Variants in AOC2 observed in about 807,000 individuals in gnomAD.
The protein encoded by AOC2 is amine oxidase [copper-containing] 2.
A neutral mutation model predicts 53.8 loss-of-function variants in AOC2; 57 were observed. The ratio of observed to expected loss-of-function variants is 1.06; its 90% CI spans 0.86 to 1.32. The LOEUF (loss-of-function observed/expected upper bound fraction) is 1.32, where lower values mean the gene tolerates loss of function less well. Among genes scored for constraint, AOC2 ranks in the 40% most tolerant of loss-of-function variants. The pLI is 0.00. For missense variants in AOC2, 1,008 were observed against 957.2 expected (o/e 1.05, Z -0.70); for synonymous variants, 404 against 399.0 (o/e 1.01, Z -0.15).
intron 1 of AOC2, among the ~76,000 whole-genome samples, chr17:42,848,029 C>T (rs759488792): frequency 2.7e-5 from 4 of 148,302 alleles, no homozygotes; most frequent in Admixed American, 1.3e-4. Flanking sequence ...CCACTCGCCT[C>T]GGCTTCCCAA....
rs770574752 is a variant in AOC2 at position 42,845,803 on chromosome 17, G to A, written c.1177G>A (p.Val393Met). 8 of 1,614,082 alleles carry A rather than the reference G, an allele frequency of 5.0e-6. No individual in the cohort carries two copies. The highest frequency in any genetic ancestry group is 6.8e-6 in the Non-Finnish European group (8 of 1,180,052). Residue 393 changes from valine (V) to methionine (M), a missense_variant, in exon 1 of 4, where the codon GTG (valine) becomes ATG (methionine). Val to Met is a conservative substitution (Grantham distance 21). Coordinates refer to ENST00000253799, the MANE Select transcript of AOC2 (RefSeq NM_009590.4). ...ACTCGGCCGTAACAGCCGAGGCTTG[G>A]TGCGGGGAGTGGACTGCCCCTATCA... ...FGLGRNSRGL[V>M]RGVDCPYQAT...
rs1284492875 is a variant in AOC2, at chr17:42,845,876, A to C, written c.1250A>C (p.Gln417Pro). The stretch of plus-strand genomic sequence containing the variant: ...ATATTAGTGGGCAAAGGGGCAGTCC[A>C]GCTGCTTCCAGGGGCTGTGTGTGTA... ...IHILVGKGAV[Q>P]LLPGAVCVFE... Residue 417 changes from glutamine (Q) to proline (P), a missense_variant, in exon 1 of 4, where the codon CAG becomes CCG. Gln to Pro is a moderately conservative substitution (Grantham distance 76, BLOSUM62 -1). Coordinates refer to ENST00000253799, the MANE Select transcript of AOC2 (RefSeq NM_009590.4). The C allele has an allele frequency of 1.2e-6, 2 of 1,614,156 alleles. No homozygotes were observed. Among genetic ancestry groups the C allele is most frequent in the Non-Finnish European group, 1.7e-6 (2 of 1,180,012 alleles).
In AOC2 at chr17:42,845,711, G is replaced by A. The variant is rs755773600; in HGVS notation, c.1085G>A (p.Cys362Tyr). ...GCCTATGAAGTCAGTGTCCAGGAGT[G>A]TGTATCTATCTATGGTGCCGATTCA... ...RIAYEVSVQE[C>Y]VSIYGADSPK... The change falls in exon 1 of 4, where the codon TGT becomes TAT. Residue 362 changes from cysteine (C) to tyrosine (Y), a missense_variant. Physicochemically the swap from Cys to Tyr is radical, Grantham distance 194 (BLOSUM62 -2). Coordinates refer to ENST00000253799, the MANE Select transcript of AOC2 (RefSeq NM_009590.4). 45 of 1,614,078 alleles carry A rather than the reference G, an allele frequency of 2.8e-5. No homozygotes were observed. In the Middle Eastern group the frequency reaches 4.9e-4, roughly 18 times the overall value.
chr17:42,848,534 TATATATATATAC>T (rs1275341388), intron 1 of AOC2, among the ~76,000 whole-genome samples: 1,987 of 140,820 alleles, frequency 0.014, 92 homozygotes, highest in African/African-American at 0.053. Flanking sequence ...AATATATATA[TATATATATATAC>T]ATATATATAT....
At position 42,849,250 on chromosome 17, in the gene AOC2, C is replaced by A. The variant is rs1486849473; in HGVS notation, c.1753C>A (p.Leu585Met). The A allele has an allele frequency of 1.2e-6, 2 of 1,614,092 alleles. No homozygotes were observed. Among genetic ancestry groups the A allele is most frequent in the Non-Finnish European group, 1.7e-6 (2 of 1,180,042 alleles). The change falls in exon 2 of 4, where the codon CTG becomes ATG. Residue 585 changes from leucine (L) to methionine (M), a missense_variant. Leu to Met is a conservative substitution (Grantham distance 15). Coordinates refer to ENST00000253799, the MANE Select transcript of AOC2 (RefSeq NM_009590.4). ...AAGCCCCCTACCCCGCTACCTCTAC[C>A]TGGCTAGCAACCAGACTAATGCGTG... ...LGSPLPRYLYLASNQTNAWGH... is the reference protein window; with the variant it reads ...LGSPLPRYLYMASNQTNAWGH...
intron 1 of AOC2, among the ~76,000 whole-genome samples, chr17:42,847,695 T>C (rs890686240): frequency 1.3e-5 from 2 of 151,872 alleles, no homozygotes; most frequent in African/African-American, 4.8e-5. Flanking sequence ...CACAGGTTAC[T>C]GCAGCCCTGA....
At position 42,845,318 on chromosome 17, in the gene AOC2, G is replaced by T. The variant is rs766296022; in HGVS notation, c.692G>T (p.Gly231Val). ...CTCTACCATAACATCTCAGGGGTTG[G>T]TCTTTTCCTTCACCCCGTGGGGCTG... ...MALYHNISGVGLFLHPVGLEL... is the reference protein window; with the variant it reads ...MALYHNISGVVLFLHPVGLEL... The change falls in exon 1 of 4, where the codon GGT becomes GTT. Residue 231 changes from glycine to valine, a missense_variant. Transcript: ENST00000253799. 1.9e-6 allele frequency: 3 copies of T among 1,614,164 alleles called. No homozygotes were observed. In the South Asian group the frequency reaches 3.3e-5, roughly 18 times the overall value.
In AOC2 at chr17:42,845,731, G is replaced by T; in HGVS notation, c.1105G>T (p.Asp369Tyr). The change falls in exon 1 of 4, where the codon GAT (aspartate) becomes TAT (tyrosine). Residue 369 changes from aspartate (D) to tyrosine (Y), a missense_variant. Coordinates refer to ENST00000253799, the MANE Select transcript of AOC2 (RefSeq NM_009590.4). ...VQECVSIYGA[D>Y]SPKTMLTRYL... is the part of the protein sequence containing the mutation. Reference sequence around the variant, plus strand: ...GGAGTGTGTATCTATCTATGGTGCCGATTCACCCAAGACGATGCTGACTCG... The same window carrying T: ...GGAGTGTGTATCTATCTATGGTGCCTATTCACCCAAGACGATGCTGACTCG... 1 of 1,614,158 alleles carries T rather than the reference G, an allele frequency of 6.2e-7. No homozygotes were observed.
chr17:42,845,086 G>A lies in AOC2; in HGVS notation c.460G>A (p.Glu154Lys). The change falls in exon 1 of 4, where the codon GAG becomes AAG. Residue 154 changes from glutamate (E) to lysine (K), a missense_variant. By Grantham distance (56) the Glu-to-Lys change is moderately conservative. Transcript: ENST00000253799. ...HPSYMRDVTV[E>K]RHGGPLPYHR... is the part of the protein sequence containing the mutation. The stretch of plus-strand genomic sequence containing the variant: ...CTCGTACATGCGGGATGTGACTGTG[G>A]AGCGTCACGGCGGGCCCCTGCCCTA... The A allele has an allele frequency of 6.2e-7, 1 of 1,613,972 alleles. No individual in the cohort carries two copies.
At position 42,849,738 on chromosome 17, in the gene AOC2, G is replaced by T; in HGVS notation, c.2004+8G>T. Reference sequence around the variant, plus strand: ...GAAACCCTCTTAGGAGAGGTTGGTTGCCCTAGGGACATAGGAAAGGGACAC... The same window carrying T: ...GAAACCCTCTTAGGAGAGGTTGGTTTCCCTAGGGACATAGGAAAGGGACAC... On this transcript the variant is annotated splice_region_variant and intron_variant, in intron 3 of 3. Coordinates refer to ENST00000253799, the MANE Select transcript of AOC2 (RefSeq NM_009590.4). 1.2e-6 allele frequency: 2 copies of T among 1,614,134 alleles called. No individual in the cohort carries two copies. Among genetic ancestry groups the T allele is most frequent in the Non-Finnish European group, 1.7e-6 (2 of 1,180,014 alleles).
rs577353181 is a variant in AOC2 at position 42,845,961 on chromosome 17, C to G, written c.1335C>G (p.Phe445Leu). 6.2e-7 allele frequency: 1 copy of G among 1,614,196 alleles called. No individual in the cohort carries two copies. The highest frequency in any genetic ancestry group is 2.2e-5 in the East Asian group (1 of 44,888). The change falls in exon 1 of 4, where the codon TTC (phenylalanine) becomes TTG (leucine). Residue 445 changes from phenylalanine (F) to leucine (L), a missense_variant. Phe to Leu is a conservative substitution (Grantham distance 22). Coordinates refer to ENST00000253799, the MANE Select transcript of AOC2 (RefSeq NM_009590.4). ...RRHHNYLQNH[F>L]YGGLASSALV... ...ACCACAATTACCTTCAAAATCATTT[C>G]TATGGTGGTTTGGCCAGCTCAGCCC...
rs778842062 is a variant in AOC2, at chr17:42,845,856, AG to A, written c.1231del (p.Val411TrpfsTer84). 1.9e-6 allele frequency: 3 copies of A among 1,614,016 alleles called. No homozygotes were observed. In the African/African-American group the frequency reaches 4.0e-5, roughly 22 times the overall value. On this transcript the variant is annotated frameshift_variant, in exon 1 of 4. Coordinates refer to ENST00000253799, the MANE Select transcript of AOC2 (RefSeq NM_009590.4). LOFTEE classifies it high-confidence loss of function. The stretch of plus-strand genomic sequence containing the variant: ...CCACGATGGTGGACATCCATATATT[AG>A]TGGGCAAAGGGGCAGTCCAGCTGCT... ...QATMVDIHIL[V>X]GKGAVQLLPG...
intron 1 of AOC2, among the ~76,000 whole-genome samples, chr17:42,847,768 A>G (rs1419850551): frequency 6.8e-6 from 1 of 147,570 alleles, no homozygotes; most frequent in African/African-American, 2.5e-5. Flanking sequence ...ACAGGCATAC[A>G]CTACCACGCC....
intron 1 of AOC2, among the ~76,000 whole-genome samples, chr17:42,848,531 A>ATATACATATATATATATATATG (rs2055616629): frequency 7.2e-6 from 1 of 139,446 alleles, no homozygotes; most frequent in Admixed American, 7.0e-5. Context: ...CTGAATATAT[A>ATATACATATATATATATATATG]TATATATATA....
Position 42,845,020 on chromosome 17 carries a change from C to A in AOC2, c.394C>A (p.Pro132Thr). 6.2e-7 allele frequency: 1 copy of A among 1,613,834 alleles called. No homozygotes were observed. The highest frequency in any genetic ancestry group is 8.5e-7 in the Non-Finnish European group (1 of 1,179,948). Reference protein sequence around the residue: ...AIVLFGGQPQPNVSELVVGPL... With the variant: ...AIVLFGGQPQTNVSELVVGPL... ...CGTCCTCTTTGGTGGACAACCCCAA[C>A]CCAATGTGAGTGAGCTGGTGGTGGG... is the stretch of plus-strand genomic sequence containing the variant. The change falls in exon 1 of 4, where the codon CCC becomes ACC. Residue 132 changes from proline (P) to threonine (T), a missense_variant. Physicochemically the swap from Pro to Thr is conservative, Grantham distance 38. Coordinates refer to ENST00000253799, the MANE Select transcript of AOC2 (RefSeq NM_009590.4).
At chr17:42,850,043 A>C in intron 3 of AOC2, 39 bp from the exon 4 acceptor site, 2 of 1,593,288 alleles carry the variant, frequency 1.3e-6, no homozygotes, top group South Asian at 2.3e-5. Context: ...TCTTTGGGTC[A>C]CGCTTCCATA....
In AOC2 at chr17:42,844,710, A is replaced by T. The variant is rs779566614; in HGVS notation, c.84A>T (p.Pro28=). The T allele has an allele frequency of 6.2e-7, 1 of 1,614,168 alleles. No individual in the cohort carries two copies. Among genetic ancestry groups the T allele is most frequent in the Non-Finnish European group, 8.5e-7 (1 of 1,180,010 alleles). ...TGGCCTATGTTTTGCTGACCAGCCC[A>T]GGTGGTTCCAGCCAGCCTCCCCACT... The part of the protein sequence containing the change: ...FALAYVLLTS[P]GGSSQPPHCP... Residue 28 remains proline (P), a synonymous_variant, in exon 1 of 4, where the codon CCA becomes CCT. Coordinates refer to ENST00000253799, the MANE Select transcript of AOC2 (RefSeq NM_009590.4).
chr17:42,847,326 G>A (rs1212687403), intron 1 of AOC2, among the ~76,000 whole-genome samples: 1 of 152,248 alleles, frequency 6.6e-6, no homozygotes, highest in Non-Finnish European at 1.5e-5. Flanking sequence ...GAGAGGCTGT[G>A]TCAGGCACCA....
At position 42,850,356 on chromosome 17, in the gene AOC2, G is replaced by A. The variant is rs1349391511; in HGVS notation, c.*8G>A. 7.0e-6 allele frequency: 11 copies of A among 1,581,800 alleles called. No individual in the cohort carries two copies. The East Asian group carries it at 2.5e-4, about 36-fold the overall frequency. On this transcript the variant is annotated 3_prime_UTR_variant, in exon 4 of 4. Coordinates refer to ENST00000253799, the MANE Select transcript of AOC2 (RefSeq NM_009590.4). ...TCTTACCACGGCTTCTAGTCCTGAGGGTGTGGCGGGCGGCGTGGTTAGGCA... is the reference window on the plus strand; with the variant it reads ...TCTTACCACGGCTTCTAGTCCTGAGAGTGTGGCGGGCGGCGTGGTTAGGCA...
Sources: gnomAD v4.1 joint callset for allele counts (sites outside exome capture counted in the v4.1 genomes callset) on GRCh38, gnomAD v4.1.1 for gene constraint, MANE v1.5 for transcripts, NCBI Gene and HGNC (gene_info 2026-07-23, HGNC 2026-07-21) for gene names.